The following LTBP1 variants were observed in gnomAD, a reference collection of about 807,000 sequenced individuals.
LTBP1 encodes latent-transforming growth factor beta-binding protein 1.
A neutral mutation model predicts 207.6 loss-of-function variants in LTBP1; 129 were observed. The observed-to-expected ratio is 0.62, with a 90% CI of 0.54 to 0.72. The LOEUF (loss-of-function observed/expected upper bound fraction) is 0.72. Among genes scored for constraint, LTBP1 ranks in the 30% least tolerant of loss-of-function variants. LTBP1 has a pLI of 0.00. For synonymous variants in LTBP1, 963 were observed against 833.7 expected, an observed-to-expected ratio of 1.16 and a Z score of -2.67; for missense variants, 2,281 against 2,217.2, an observed-to-expected ratio of 1.03 and a Z score of -0.58.
At position 33,322,260 on chromosome 2, in the gene LTBP1, A is replaced by C. The variant is rs531209808; in HGVS notation, c.3730+6991A>C. On this transcript the variant is annotated intron_variant, in intron 24 of 33. Coordinates refer to ENST00000404816, the MANE Select transcript of LTBP1 (RefSeq NM_206943.4). ...TAGGCAGAAGACTGCCAGAAAGTGA[A>C]GTCTGTGACTAGGCTAGCTGACCTT... Among the ~76,000 whole-genome samples, 114 of 152,300 alleles carry C rather than the reference A, an allele frequency of 7.5e-4. 1 individual carries two copies. The South Asian group carries it at 0.023, about 30-fold the overall frequency.
chr2:33,140,462 A>G (rs1379547162), intron 5 of LTBP1, among the ~76,000 whole-genome samples: 2 of 152,168 alleles, frequency 1.3e-5, no homozygotes, highest in African/African-American at 4.8e-5. Context: ...TTGTGCAGGT[A>G]TATCTCAGGT....
At chr2:33,300,392 G>C in intron 20 of LTBP1, 59 bp from the exon 21 acceptor site, 2 of 1,570,448 alleles carry the variant, frequency 1.3e-6, no homozygotes, top group Non-Finnish European at 8.7e-7. Context: ...ATTGCAGGGA[G>C]CACTGCATTC....
At chr2:33,118,444 T>A (rs1304131386) in intron 4 of LTBP1, among the ~76,000 whole-genome samples, 1 of 152,232 alleles carries the variant, frequency 6.6e-6, no homozygotes, top group Non-Finnish European at 1.5e-5. Flanking sequence ...CTTAAGCTCC[T>A]TGTCCCATGC....
At chr2:33,243,316 C>G (rs528466119) in intron 9 of LTBP1, among the ~76,000 whole-genome samples, 1 of 152,300 alleles carries the variant, frequency 6.6e-6, no homozygotes, top group Admixed American at 6.5e-5. Flanking sequence ...GTTAGACTGT[C>G]AGTGCTTCTA....
chr2:33,203,085 TAAAA>T (rs2089495018), intron 7 of LTBP1, among the ~76,000 whole-genome samples: 2 of 152,256 alleles, frequency 1.3e-5, no homozygotes, highest in Non-Finnish European at 2.9e-5. Flanking sequence ...CTTGTGGCTC[TAAAA>T]TGGCTGCTCT....
chr2:33,073,680 G>T (rs2077921823), intron 3 of LTBP1, among the ~76,000 whole-genome samples: 1 of 151,872 alleles, frequency 6.6e-6, no homozygotes, highest in Non-Finnish European at 1.5e-5. Flanking sequence ...ATCCTGGAGG[G>T]CAGTGACACA....
intron 3 of LTBP1, among the ~76,000 whole-genome samples, chr2:33,057,499 C>T (rs549758034): frequency 1.3e-4 from 20 of 152,340 alleles, no homozygotes; most frequent in African/African-American, 4.6e-4. Context: ...CGGGGAGGCT[C>T]AGGCCGCACA....
intron 21 of LTBP1, among the ~76,000 whole-genome samples, 196 bp from the exon 22 acceptor site, chr2:33,301,326 C>T (rs1330292498): frequency 6.6e-6 from 1 of 152,100 alleles, no homozygotes; most frequent in Non-Finnish European, 1.5e-5. Flanking sequence ...AAACAATATC[C>T]ACGTCTTCAT....
chr2:33,360,584 C>G lies in LTBP1; in HGVS notation c.4001-13C>G. 2 of 1,592,762 alleles carry G rather than the reference C, an allele frequency of 1.3e-6. No homozygotes were observed. The highest frequency in any genetic ancestry group is 2.2e-5 in the East Asian group (1 of 44,788). ...GTGTCCTATTGTCACTCTACTTTCTCTACTCCATTTAGATTTAGATGTAGA... is the reference window on the plus strand; with the variant it reads ...GTGTCCTATTGTCACTCTACTTTCTGTACTCCATTTAGATTTAGATGTAGA... On this transcript the variant is annotated splice_polypyrimidine_tract_variant and intron_variant, in intron 26 of 33. Coordinates refer to ENST00000404816, the MANE Select transcript of LTBP1 (RefSeq NM_206943.4).
intron 2 of LTBP1, among the ~76,000 whole-genome samples, chr2:32,957,070 C>A (rs1678195921): frequency 6.6e-6 from 1 of 152,176 alleles, no homozygotes; most frequent in South Asian, 2.1e-4. Context: ...ATTTACAGAG[C>A]ACAGGCGAAG....
At chr2:33,256,602 G>A (rs2092858672) in intron 11 of LTBP1, among the ~76,000 whole-genome samples, 1 of 150,808 alleles carries the variant, frequency 6.6e-6, no homozygotes, top group South Asian at 2.1e-4. Flanking sequence ...ACATATACAT[G>A]CAACATGAGA....
intron 3 of LTBP1, among the ~76,000 whole-genome samples, chr2:33,032,224 C>G (rs1476014186): frequency 6.6e-6 from 1 of 152,210 alleles, no homozygotes; most frequent in African/African-American, 2.4e-5. Flanking sequence ...TTATTACACT[C>G]TATCCCTAGA....
chr2:33,281,043 C>A (rs1206876976), intron 19 of LTBP1, among the ~76,000 whole-genome samples: 1 of 152,140 alleles, frequency 6.6e-6, no homozygotes, highest in Non-Finnish European at 1.5e-5. Flanking sequence ...TGCTCTCCAG[C>A]CCGAGTGACA....
chr2:33,169,492 G>A (rs146984566), intron 5 of LTBP1, among the ~76,000 whole-genome samples: 1 of 152,136 alleles, frequency 6.6e-6, no homozygotes, highest in African/African-American at 2.4e-5. Flanking sequence ...AAAAGCTCCA[G>A]ATGGAATGAG....
At chr2:33,007,802 A>C (rs549573761) in intron 2 of LTBP1, among the ~76,000 whole-genome samples, 2 of 152,370 alleles carry the variant, frequency 1.3e-5, no homozygotes, top group South Asian at 4.1e-4. Flanking sequence ...ACTCTGAACC[A>C]GGAACTGTCC....
intron 15 of LTBP1, among the ~76,000 whole-genome samples, chr2:33,268,223 T>C (rs111273653): frequency 7.0e-4 from 106 of 152,324 alleles, no homozygotes; most frequent in African/African-American, 2.5e-3. Context: ...TTCCCATCGG[T>C]TTCATATGGG....
intron 2 of LTBP1, among the ~76,000 whole-genome samples, chr2:32,979,059 C>CAA (rs1395137586): frequency 1.3e-5 from 2 of 151,372 alleles, no homozygotes; most frequent in Non-Finnish European, 3.0e-5. Context: ...TTTTTTTCAT[C>CAA]TTTGATTTTA....
intron 15 of LTBP1, among the ~76,000 whole-genome samples, chr2:33,267,526 A>T (rs1348705540): frequency 6.6e-6 from 1 of 152,234 alleles, no homozygotes; most frequent in African/African-American, 2.4e-5. Flanking sequence ...CACTGATAAG[A>T]GACTGCTTTG....
At chr2:33,327,957 A>T (rs1262999765) in intron 24 of LTBP1, among the ~76,000 whole-genome samples, 1 of 151,772 alleles carries the variant, frequency 6.6e-6, no homozygotes. Context: ...CCAACATGGT[A>T]AAACCCATCT....
Sources: allele counts gnomAD v4.1 joint callset (sites outside exome capture counted in the v4.1 genomes callset), GRCh38; gene constraint gnomAD v4.1.1; transcripts MANE v1.5; gene names NCBI Gene and HGNC (gene_info 2026-07-23, HGNC 2026-07-21).